The following SEMA5A variants were observed in gnomAD, a reference collection of about 807,000 sequenced individuals.
The protein encoded by SEMA5A is semaphorin 5A.
In SEMA5A, 55 loss-of-function variants were observed where a neutral mutation model predicts 135.5. The ratio of observed to expected loss-of-function variants is 0.41; its 90% CI spans 0.33 to 0.51. SEMA5A has a LOEUF of 0.51. Ranked by LOEUF, SEMA5A falls within the 20% of genes least tolerant of loss-of-function variation. The pLI is 0.37. For synonymous variants in SEMA5A, 580 were observed against 546.5 expected (o/e 1.06, Z -0.85); for missense variants, 1,290 against 1,419.9 (o/e 0.91, Z 1.47).
chr5:9,342,711 A>T (rs552825292), intron 3 of SEMA5A, among the ~76,000 whole-genome samples: 50 of 152,244 alleles, frequency 3.3e-4, no homozygotes, highest in Non-Finnish European at 6.5e-4. Context: ...TCAGCAAGAC[A>T]GCTCAAAAAT....
chr5:9,339,309 A>G (rs1160507794), intron 3 of SEMA5A, among the ~76,000 whole-genome samples: 1 of 152,182 alleles, frequency 6.6e-6, no homozygotes, highest in Non-Finnish European at 1.5e-5. Flanking sequence ...CAGTAAAACA[A>G]GAGGAAAGAT....
At chr5:9,438,842 T>C (rs1758128193) in intron 1 of SEMA5A, among the ~76,000 whole-genome samples, 1 of 152,188 alleles carries the variant, frequency 6.6e-6, no homozygotes, top group Non-Finnish European at 1.5e-5. Flanking sequence ...TCAGTCATGA[T>C]CCGAGGCCAT....
chr5:9,214,201 A>G (rs1465281722), intron 8 of SEMA5A, among the ~76,000 whole-genome samples: 1 of 152,208 alleles, frequency 6.6e-6, no homozygotes, highest in East Asian at 1.9e-4. Flanking sequence ...CCAAGCATGC[A>G]TGCGGGAAAA....
chr5:9,259,126 T>G (rs1749260006), intron 5 of SEMA5A, among the ~76,000 whole-genome samples: 2 of 152,190 alleles, frequency 1.3e-5, no homozygotes, highest in Admixed American at 6.5e-5. Flanking sequence ...CCGGCCCCAT[T>G]ATTTTTTACA....
At chr5:9,496,251 G>C (rs1021069968) in intron 1 of SEMA5A, among the ~76,000 whole-genome samples, 1 of 152,068 alleles carries the variant, frequency 6.6e-6, no homozygotes, top group African/African-American at 2.4e-5. Context: ...CACCATGTTG[G>C]CCAGACTGGT....
At chr5:9,492,239 T>G (rs1286636274) in intron 1 of SEMA5A, among the ~76,000 whole-genome samples, 1 of 152,176 alleles carries the variant, frequency 6.6e-6, no homozygotes, top group Non-Finnish European at 1.5e-5. Context: ...TATAATCACT[T>G]GTTGATGACT....
chr5:9,201,154 T>A (rs1745682932), intron 9 of SEMA5A, among the ~76,000 whole-genome samples: 1 of 152,130 alleles, frequency 6.6e-6, no homozygotes, highest in Admixed American at 6.5e-5. Context: ...GCACAGCCAG[T>A]GTGTAGGAAA....
intron 3 of SEMA5A, among the ~76,000 whole-genome samples, chr5:9,356,182 T>C (rs1187219293): frequency 6.6e-6 from 1 of 152,184 alleles, no homozygotes; most frequent in African/African-American, 2.4e-5. Context: ...GAGGGTTACC[T>C]TGAGAGACAG....
At chr5:9,509,733 G>A (rs931143621) in intron 1 of SEMA5A, among the ~76,000 whole-genome samples, 1 of 152,108 alleles carries the variant, frequency 6.6e-6, no homozygotes, top group Admixed American at 6.5e-5. Flanking sequence ...TTGAGTTTCT[G>A]AGTTAGACCA....
At chr5:9,435,388 G>A (rs746117876) in intron 2 of SEMA5A, among the ~76,000 whole-genome samples, 14 of 152,170 alleles carry the variant, frequency 9.2e-5, no homozygotes, top group South Asian at 4.2e-4. Flanking sequence ...ATATTTACCA[G>A]GCCCTAATTT....
At chr5:9,209,219 T>C (rs1200092253) in intron 8 of SEMA5A, among the ~76,000 whole-genome samples, 2 of 152,206 alleles carry the variant, frequency 1.3e-5, no homozygotes, top group Admixed American at 6.5e-5. Context: ...GTCTAAATGT[T>C]CTAGTTCAAA....
chr5:9,155,024 T>C (rs995129571), intron 11 of SEMA5A, among the ~76,000 whole-genome samples: 1 of 152,084 alleles, frequency 6.6e-6, no homozygotes, highest in Non-Finnish European at 1.5e-5. Flanking sequence ...ATGGAAAACA[T>C]CAGGAAAGAA....
chr5:9,154,358 C>T, intron 12 of SEMA5A, 130 bp downstream of exon 12: 1 of 714,182 alleles, frequency 1.4e-6, no homozygotes, highest in Non-Finnish European at 2.4e-6. Flanking sequence ...TCCTAGAGCA[C>T]AGGACTCTCA....
chr5:9,402,750 A>C (rs1178084662), intron 2 of SEMA5A, among the ~76,000 whole-genome samples: 1 of 152,176 alleles, frequency 6.6e-6, no homozygotes, highest in Non-Finnish European at 1.5e-5. Context: ...CACCATCAGA[A>C]CTGTATTAAG....
At chr5:9,518,767 G>T (rs755694789) in intron 1 of SEMA5A, among the ~76,000 whole-genome samples, 1 of 152,040 alleles carries the variant, frequency 6.6e-6, no homozygotes, top group Non-Finnish European at 1.5e-5. Flanking sequence ...AGGAGAAAAT[G>T]ACCACTTTAT....
At chr5:9,072,796 T>C (rs1401743283) in intron 16 of SEMA5A, among the ~76,000 whole-genome samples, 2 of 152,208 alleles carry the variant, frequency 1.3e-5, no homozygotes, top group Non-Finnish European at 2.9e-5. Flanking sequence ...AAAAAAATTG[T>C]CTACCAGTTT....
chr5:9,417,088 C>T (rs1190402237), intron 2 of SEMA5A, among the ~76,000 whole-genome samples: 1 of 152,230 alleles, frequency 6.6e-6, no homozygotes, highest in African/African-American at 2.4e-5. Flanking sequence ...ATATCCTACA[C>T]AGATTTTCTC....
chr5:9,088,659 T>TATATATATATATATACACACACACACAC, intron 16 of SEMA5A, among the ~76,000 whole-genome samples: 6 of 112,864 alleles, frequency 5.3e-5, no homozygotes, highest in Admixed American at 8.3e-5. Flanking sequence ...TATATATATA[T>TATATATATATATATACACACACACACAC]ACACACACAC....
At chr5:9,221,163 C>G (rs111601677) in intron 8 of SEMA5A, among the ~76,000 whole-genome samples, 2,126 of 152,294 alleles carry the variant, frequency 0.014, 61 homozygotes, top group African/African-American at 0.048. Flanking sequence ...CTGAGAGCAT[C>G]ATTTAATGGG....
Sources: allele counts gnomAD v4.1 joint callset (sites outside exome capture counted in the v4.1 genomes callset), GRCh38; gene constraint gnomAD v4.1.1; transcripts MANE v1.5; gene names NCBI Gene and HGNC (gene_info 2026-07-23, HGNC 2026-07-21).